Variants in TMCO5A observed in about 807,000 individuals in gnomAD.
TMCO5A encodes the protein transmembrane and coiled-coil domain-containing protein 5A.
A neutral mutation model predicts 42.3 loss-of-function variants in TMCO5A; 34 were observed. The observed-to-expected ratio is 0.80, with a 90% CI of 0.61 to 1.07. TMCO5A has a LOEUF of 1.07. TMCO5A is among the 50% of genes least tolerant of loss of function. The pLI is 0.00. For synonymous variants in TMCO5A, 131 were observed against 115.6 expected, an observed-to-expected ratio of 1.13 and a Z score of -0.86; for missense variants, 357 against 327.9, an observed-to-expected ratio of 1.09 and a Z score of -0.69.
chr15:38,010,954 C>T, the TMCO5A span, among the ~76,000 whole-genome samples: 1 of 152,088 alleles, frequency 6.6e-6, no homozygotes, highest in African/African-American at 2.4e-5. Flanking sequence ...GCCTTGTCAG[C>T]CAGGCTGGTC....
the TMCO5A span, among the ~76,000 whole-genome samples, chr15:38,023,477 C>G: frequency 6.6e-6 from 1 of 152,136 alleles, no homozygotes; most frequent in Admixed American, 6.5e-5. Context: ...ACATGCTGAT[C>G]AGAGATCCAA....
chr15:37,947,801 T>A (rs1258114435), intron 11 of TMCO5A, 105 bp downstream of exon 11: 2 of 706,840 alleles, frequency 2.8e-6, no homozygotes, highest in African/African-American at 3.7e-5. Context: ...TATATGCGTG[T>A]GCACACATAC....
At chr15:38,031,947 C>G in the TMCO5A span, among the ~76,000 whole-genome samples, 1 of 151,738 alleles carries the variant, frequency 6.6e-6, no homozygotes, top group African/African-American at 2.4e-5. Flanking sequence ...CCTTTCTTCA[C>G]CAGGACAATT....
At chr15:38,006,270 C>T in the TMCO5A span, among the ~76,000 whole-genome samples, 57 of 152,208 alleles carry the variant, frequency 3.7e-4, 1 homozygote, top group Admixed American at 5.9e-4. Context: ...TTAGTACTGG[C>T]TAGTTTGAAT....
At chr15:37,947,733 T>A (rs1279490705) in intron 11 of TMCO5A, 37 bp downstream of exon 11, 14 of 1,443,422 alleles carry the variant, frequency 9.7e-6, no homozygotes, top group Non-Finnish European at 1.4e-5. Context: ...TCCTATAAAA[T>A]TGGGAGCCCT....
the TMCO5A span, among the ~76,000 whole-genome samples, chr15:38,016,026 A>C: frequency 2.0e-5 from 3 of 152,194 alleles, no homozygotes; most frequent in South Asian, 2.1e-4. Context: ...AGAATGTACA[A>C]CACCAAGGGT....
At chr15:37,941,456 A>G (rs894863500) in intron 7 of TMCO5A, among the ~76,000 whole-genome samples, 4 of 152,062 alleles carry the variant, frequency 2.6e-5, no homozygotes, top group Admixed American at 2.6e-4. Context: ...TTCCTCTCCC[A>G]ACTGCCCCCA....
intron 11 of TMCO5A, among the ~76,000 whole-genome samples, chr15:37,958,626 C>T (rs907145556): frequency 6.6e-6 from 1 of 152,076 alleles, no homozygotes; most frequent in African/African-American, 2.4e-5. Context: ...ACAACAGATG[C>T]TGGGGAGAAT....
the TMCO5A span, among the ~76,000 whole-genome samples, chr15:38,012,128 A>T: frequency 6.6e-6 from 1 of 152,012 alleles, no homozygotes; most frequent in African/African-American, 2.4e-5. Flanking sequence ...CGTCTCAAAA[A>T]AAAAAGAAAA....
intron 11 of TMCO5A, among the ~76,000 whole-genome samples, chr15:37,958,928 A>T (rs536354291): frequency 1.3e-5 from 2 of 152,270 alleles, no homozygotes; most frequent in Non-Finnish European, 2.9e-5. Flanking sequence ...ACCATGGACT[A>T]CTATGCAGCC....
the TMCO5A span, among the ~76,000 whole-genome samples, chr15:38,036,496 T>TCACA: frequency 1.0e-3 from 65 of 63,544 alleles, no homozygotes; most frequent in Middle Eastern, 0.012. Context: ...TCTCTCTCTC[T>TCACA]CACACACACA....
At chr15:37,939,335 A>G (rs553010498) in intron 6 of TMCO5A, among the ~76,000 whole-genome samples, 16 of 152,144 alleles carry the variant, frequency 1.1e-4, no homozygotes, top group Admixed American at 2.0e-4. Flanking sequence ...AAAGCCACCA[A>G]ATAAGCTTGC....
chr15:37,997,930 T>A, the TMCO5A span, among the ~76,000 whole-genome samples: 1 of 152,240 alleles, frequency 6.6e-6, no homozygotes, highest in Non-Finnish European at 1.5e-5. Context: ...TAATTTTGAT[T>A]TGCAGTTCTC....
At chr15:37,993,221 T>C in the TMCO5A span, among the ~76,000 whole-genome samples, 1 of 152,160 alleles carries the variant, frequency 6.6e-6, no homozygotes, top group Non-Finnish European at 1.5e-5. Context: ...CTGGATTTTC[T>C]TGGGGTTTCT....
chr15:38,015,095 T>C, the TMCO5A span, among the ~76,000 whole-genome samples: 1 of 151,736 alleles, frequency 6.6e-6, no homozygotes, highest in Non-Finnish European at 1.5e-5. Flanking sequence ...TTTTTCTGCC[T>C]GCTTTATATT....
At chr15:37,943,502 G>A (rs552152608) in intron 10 of TMCO5A, 104 bp downstream of exon 10, 81 of 1,133,672 alleles carry the variant, frequency 7.1e-5, no homozygotes, top group Middle Eastern at 2.0e-4. Context: ...CTTGCCATGC[G>A]CATTTTCCAA....
the TMCO5A span, among the ~76,000 whole-genome samples, chr15:38,036,755 A>G: frequency 1.1e-4 from 17 of 152,096 alleles, no homozygotes; most frequent in African/African-American, 4.1e-4. Context: ...CAGTGTTCCT[A>G]TCCCTGCTAG....
At chr15:37,941,351 G>A in intron 7 of TMCO5A, 146 bp downstream of exon 7, 1 of 806,062 alleles carries the variant, frequency 1.2e-6, no homozygotes, top group Non-Finnish European at 2.0e-6. Flanking sequence ...AGAAAAGGAA[G>A]ATAAGCACAA....
chr15:38,003,949 C>T, the TMCO5A span, among the ~76,000 whole-genome samples: 1 of 152,206 alleles, frequency 6.6e-6, no homozygotes, highest in South Asian at 2.1e-4. Flanking sequence ...CTCTTCTTAC[C>T]TCTTCTTTCC....
Sources: allele counts gnomAD v4.1 joint callset (sites outside exome capture counted in the v4.1 genomes callset), GRCh38; gene constraint gnomAD v4.1.1; transcripts MANE v1.5; gene names NCBI Gene and HGNC (gene_info 2026-07-23, HGNC 2026-07-21).